Variants in TTLL12 observed in about 807,000 individuals in gnomAD.
The protein encoded by TTLL12 is tubulin--tyrosine ligase-like protein 12.
A neutral mutation model predicts 79.6 loss-of-function variants in TTLL12; 77 were observed. The ratio of observed to expected loss-of-function variants is 0.97; its 90% CI spans 0.81 to 1.17. TTLL12 has a LOEUF of 1.17. Ranked by LOEUF, TTLL12 falls within the 50% of genes most tolerant of loss-of-function variation. The pLI, the probability that TTLL12 is intolerant of heterozygous loss-of-function variation, is 0.00. For synonymous variants in TTLL12, 437 were observed against 376.1 expected (o/e 1.16, Z -1.87); for missense variants, 969 against 895.9 (o/e 1.08, Z -1.04).
chr22:43,170,135 G>C, intron 11 of TTLL12: 1 of 355,614 alleles, frequency 2.8e-6, no homozygotes, highest in Non-Finnish European at 5.5e-6. Flanking sequence ...CCCTATGGAA[G>C]CCCGCCATCC....
At position 43,172,480 on chromosome 22, in the gene TTLL12, G is replaced by A; in HGVS notation, c.1416C>T (p.Arg472=). 3 of 1,614,176 alleles carry A rather than the reference G, an allele frequency of 1.9e-6. No individual in the cohort carries two copies. Among genetic ancestry groups the A allele is most frequent in the East Asian group, 2.2e-5 (1 of 44,888 alleles). ...EDVGKVKFDI[R]YIVLLRSVRP... The stretch of plus-strand genomic sequence containing the variant: ...TCACTGACCGCAGCAGCACGATGTA[G>A]CGGATGTCGAACTTGACCTTTCCCA... Residue 472 remains arginine (R), a synonymous_variant, in exon 10 of 14, where the codon CGC becomes CGT. Transcript: ENST00000216129.
At chr22:43,172,278 G>T in intron 10 of TTLL12, 125 bp downstream of exon 10, 1 of 1,200,008 alleles carries the variant, frequency 8.3e-7, no homozygotes, top group Non-Finnish European at 1.2e-6. Flanking sequence ...GCCGCTAGCT[G>T]GGTGAGTGAT....
chr22:43,178,395 C>T (rs1247031886), intron 5 of TTLL12, among the ~76,000 whole-genome samples: 2 of 151,760 alleles, frequency 1.3e-5, no homozygotes, highest in Non-Finnish European at 2.9e-5. Context: ...GATCTCGGCT[C>T]ACTGCAAGCT....
rs538850824 is a variant in TTLL12 at position 43,176,305 on chromosome 22, G to C, written c.917+15C>G. 275 of 1,572,566 alleles carry C rather than the reference G, an allele frequency of 1.7e-4. No individual in the cohort carries two copies. Among genetic ancestry groups the C allele is most frequent in the Non-Finnish European group, 2.2e-4 (250 of 1,155,156 alleles). On this transcript the variant is annotated intron_variant, in intron 6 of 13. Coordinates refer to ENST00000216129, the MANE Select transcript of TTLL12 (RefSeq NM_015140.4). ...GGACAAGTCCCAGCCCAAGCAGTGG[G>C]GGGGGGCTACGCACTTGAAGATGTG...
At position 43,187,085 on chromosome 22, in the gene TTLL12, G is replaced by A. The variant is rs1471446590; in HGVS notation, c.-16C>T. 6 of 1,136,936 alleles carry A rather than the reference G, an allele frequency of 5.3e-6. No homozygotes were observed. Among genetic ancestry groups the A allele is most frequent in the Admixed American group, 1.0e-4 (2 of 20,090 alleles). The allele number at this position is 1,136,936 out of a possible 1,614,324, so 70.4% of individuals were successfully genotyped here. On this transcript the variant is annotated 5_prime_UTR_variant, in exon 1 of 14. Transcript: ENST00000216129. The stretch of plus-strand genomic sequence containing the variant: ...CGGCCTCCATGGCGCCAGCACCCGC[G>A]CCGACTCCAGCGCCGCCACCGCCGC...
chr22:43,176,673 T>C (rs770071320), intron 5 of TTLL12, among the ~76,000 whole-genome samples: 12 of 133,018 alleles, frequency 9.0e-5, no homozygotes, highest in Non-Finnish European at 1.8e-4. Flanking sequence ...GAGGTTGTAG[T>C]GAGCCGAGAT....
At chr22:43,178,323 A>ATT (rs34712260) in intron 5 of TTLL12, among the ~76,000 whole-genome samples, 2 of 125,350 alleles carry the variant, frequency 1.6e-5, no homozygotes, top group South Asian at 2.7e-4. Context: ...CGCCCGCTCT[A>ATT]TTTTTTTTTT....
In TTLL12 at chr22:43,182,018, G is replaced by A. The variant is rs528714647; in HGVS notation, c.347+962C>T. 9.9e-5 allele frequency among the ~76,000 whole-genome samples: 15 copies of A among 152,178 alleles called. No homozygotes were observed. In the South Asian group the frequency reaches 2.9e-3, roughly 30 times the overall value. ...GGGGATGAAGGCCCGGAAGCAGAAA[G>A]GCCCGGAAGCAGAAAGGCCCGGAAG... On this transcript the variant is annotated intron_variant, in intron 2 of 13. Coordinates refer to ENST00000216129, the MANE Select transcript of TTLL12 (RefSeq NM_015140.4).
In TTLL12 at chr22:43,168,782, C is replaced by T; in HGVS notation, c.1775G>A (p.Gly592Asp). 6.4e-7 allele frequency: 1 copy of T among 1,559,094 alleles called. No individual in the cohort carries two copies. The highest frequency in any genetic ancestry group is 8.7e-7 in the Non-Finnish European group (1 of 1,152,208). The change falls in exon 13 of 14, where the codon GGC (glycine) becomes GAC (aspartate). Residue 592 changes from glycine (G) to aspartate (D), a missense_variant. Gly to Asp is a moderately conservative substitution (Grantham distance 94). Transcript: ENST00000216129. ...TGGGGAGCCCCTCTTACCATCTGGGCCGTTGTCCCACTTCAGCATGAGGTC... is the reference window on the plus strand; with the variant it reads ...TGGGGAGCCCCTCTTACCATCTGGGTCGTTGTCCCACTTCAGCATGAGGTC... ...AVDLMLKWDNGPDGRRVMQPQ... is the reference protein window; with the variant it reads ...AVDLMLKWDNDPDGRRVMQPQ...
At chr22:43,171,257 T>C (rs1488939152) in intron 11 of TTLL12, among the ~76,000 whole-genome samples, 1 of 152,242 alleles carries the variant, frequency 6.6e-6, no homozygotes, top group African/African-American at 2.4e-5. Flanking sequence ...TGGCCAGCTC[T>C]GGTTTCTCGC....
chr22:43,174,140 C>T lies in TTLL12; in HGVS notation c.1229+69G>A, dbSNP rs552346125. On this transcript the variant is annotated intron_variant, in intron 8 of 13. Coordinates refer to ENST00000216129, the MANE Select transcript of TTLL12 (RefSeq NM_015140.4). ...TCCACAGTGGGTGCTCATGGAGGAG[C>T]AGGCGGACACAGACGCTGGGCCGGG... 6 of 1,534,558 alleles carry T rather than the reference C, an allele frequency of 3.9e-6. No individual in the cohort carries two copies. The Admixed American group carries it at 1.1e-4, about 28-fold the overall frequency.
At chr22:43,180,130 C>T in intron 3 of TTLL12, 130 bp from the exon 4 acceptor site, 1 of 1,151,898 alleles carries the variant, frequency 8.7e-7, no homozygotes, top group Non-Finnish European at 1.2e-6. Context: ...ACATGTACCC[C>T]AGGCCCTTTA....
Position 43,181,357 on chromosome 22 carries a change from T to C in TTLL12, c.348-417A>G, listed in dbSNP as rs180813819. Among the ~76,000 whole-genome samples the C allele has an allele frequency of 5.9e-5, 9 of 152,342 alleles. No homozygotes were observed. In the East Asian group the frequency reaches 1.7e-3, roughly 29 times the overall value. ...CAGGGCAGGCCCATGCTGCCCATCT[T>C]GTGGCCTGCAGGCCTGGCACACCAC... On this transcript the variant is annotated intron_variant, in intron 2 of 13. Transcript: ENST00000216129.
rs757050678 is a variant in TTLL12, at chr22:43,174,277, C to A, written c.1161G>T (p.Leu387=). ...RAGGPEGPPW[L]PRTFNLRTEL... ...CAGTGCGCAGGTTGAAGGTTCGGGG[C>A]AGCCAGGGTGGGCCCTCGGGGCCAC... Residue 387 remains leucine, a synonymous_variant, in exon 8 of 14, where the codon CTG becomes CTT. Coordinates refer to ENST00000216129, the MANE Select transcript of TTLL12 (RefSeq NM_015140.4). 11 of 1,610,962 alleles carry A rather than the reference C, an allele frequency of 6.8e-6. No homozygotes were observed. The highest frequency in any genetic ancestry group is 9.3e-6 in the Non-Finnish European group (11 of 1,179,796).
chr22:43,177,778 C>T (rs1416456667), intron 5 of TTLL12, among the ~76,000 whole-genome samples: 1 of 152,182 alleles, frequency 6.6e-6, no homozygotes, highest in East Asian at 1.9e-4. Flanking sequence ...AGAGGCACCC[C>T]GTTGAGCCAC....
intron 12 of TTLL12, 82 bp from the exon 13 acceptor site, chr22:43,168,994 G>A (rs1446699649): frequency 1.1e-5 from 17 of 1,486,088 alleles, no homozygotes; most frequent in East Asian, 2.4e-5. Context: ...CCCAAGTCCC[G>A]GGCCCCACGT....
chr22:43,174,631 G>C lies in TTLL12; in HGVS notation c.918-16C>G. ...CGTGTAGACCCTGTGGGGAGAGCCCGAGCTGGGTGATCCCGGCTCCCAAGT... is the reference window on the plus strand; with the variant it reads ...CGTGTAGACCCTGTGGGGAGAGCCCCAGCTGGGTGATCCCGGCTCCCAAGT... On this transcript the variant is annotated splice_polypyrimidine_tract_variant and intron_variant, in intron 6 of 13. Coordinates refer to ENST00000216129, the MANE Select transcript of TTLL12 (RefSeq NM_015140.4). 7.0e-6 allele frequency: 11 copies of C among 1,573,742 alleles called. No homozygotes were observed. The highest frequency in any genetic ancestry group is 9.5e-6 in the Non-Finnish European group (11 of 1,153,492).
At chr22:43,186,129 G>A (rs1932176607) in intron 1 of TTLL12, 1 of 380,784 alleles carries the variant, frequency 2.6e-6, no homozygotes, top group East Asian at 1.6e-4. Context: ...GCGCCACTAG[G>A]CTCATCTCCG....
rs752514845 is a variant in TTLL12, at chr22:43,176,327, T to G, written c.910A>C (p.Ile304Leu). Residue 304 changes from isoleucine to leucine, a missense_variant, in exon 6 of 14, where the codon ATC becomes CTC. Transcript: ENST00000216129. ...TGGGGGGGGGCTACGCACTTGAAGA[T>G]GTGGCCGTGGGGGTGCACCACGGGG... ...INPVVHPHGH[I>L]FKVYTDVQQV... 2 of 1,595,612 alleles carry G rather than the reference T, an allele frequency of 1.3e-6. No individual in the cohort carries two copies. Among genetic ancestry groups the G allele is most frequent in the Non-Finnish European group, 8.5e-7 (1 of 1,172,090 alleles).
Sources: allele counts gnomAD v4.1 joint callset (sites outside exome capture counted in the v4.1 genomes callset), GRCh38; gene constraint gnomAD v4.1.1; transcripts MANE v1.5; gene names NCBI Gene and HGNC (gene_info 2026-07-23, HGNC 2026-07-21).